Variants in MACROD2 observed in about 807,000 individuals in gnomAD.
The protein encoded by MACROD2 is ADP-ribose glycohydrolase MACROD2.
In MACROD2, 36 loss-of-function variants were observed where a neutral mutation model predicts 70.4. The ratio of observed to expected loss-of-function variants is 0.51; its 90% CI spans 0.39 to 0.68. The LOEUF is 0.68. Among genes scored for constraint, MACROD2 ranks in the 30% least tolerant of loss-of-function variants. The probability of loss-of-function intolerance (pLI) is 0.00; values close to 1 mark genes in which losing one functional copy is unlikely to be tolerated. For missense variants in MACROD2, 496 were observed against 538.4 expected (o/e 0.92, Z 0.78); for synonymous variants, 172 against 178.8 (o/e 0.96, Z 0.30).
intron 5 of MACROD2, among the ~76,000 whole-genome samples, chr20:15,107,478 C>T (rs1436844135): frequency 1.3e-5 from 2 of 151,598 alleles, no homozygotes; most frequent in South Asian, 2.1e-4. Flanking sequence ...TTTTCAAAAC[C>T]TTGTGATAAT....
intron 5 of MACROD2, among the ~76,000 whole-genome samples, chr20:15,153,029 CT>C (rs935015936): frequency 1.3e-5 from 2 of 152,024 alleles, no homozygotes; most frequent in African/African-American, 4.8e-5. Flanking sequence ...TAAGATGTTT[CT>C]TGGGCTGGTC....
chr20:14,197,288 A>G (rs1772801053), intron 3 of MACROD2, among the ~76,000 whole-genome samples: 1 of 152,220 alleles, frequency 6.6e-6, no homozygotes, highest in South Asian at 2.1e-4. Context: ...GATAATGAAA[A>G]AAGTTGACTT....
chr20:14,104,033 A>G (rs960953488), intron 3 of MACROD2, among the ~76,000 whole-genome samples: 2 of 152,144 alleles, frequency 1.3e-5, no homozygotes, highest in East Asian at 1.9e-4. Context: ...TTATATCTAC[A>G]TACACACACA....
intron 8 of MACROD2, among the ~76,000 whole-genome samples, chr20:15,502,718 C>A (rs561529629): frequency 6.6e-6 from 1 of 152,220 alleles, no homozygotes; most frequent in East Asian, 1.9e-4. Context: ...TTTGATGATG[C>A]AGCCAATAGG....
At chr20:14,908,072 G>A (rs759460527) in intron 5 of MACROD2, among the ~76,000 whole-genome samples, 3 of 152,158 alleles carry the variant, frequency 2.0e-5, no homozygotes, top group Non-Finnish European at 4.4e-5. Flanking sequence ...AGCCAGGCAC[G>A]GTGGCTCACG....
intron 8 of MACROD2, among the ~76,000 whole-genome samples, chr20:15,727,861 T>C (rs1465982900): frequency 6.6e-6 from 1 of 152,132 alleles, no homozygotes; most frequent in Non-Finnish European, 1.5e-5. Flanking sequence ...TAGAGTCATA[T>C]ATTTTGCAAA....
chr20:14,634,728 G>A (rs976894180), intron 4 of MACROD2, among the ~76,000 whole-genome samples: 4 of 152,138 alleles, frequency 2.6e-5, no homozygotes, highest in African/African-American at 9.7e-5. Flanking sequence ...GCTTTTTATT[G>A]TTAAGATATC....
intron 3 of MACROD2, among the ~76,000 whole-genome samples, chr20:14,252,075 T>C (rs1348000563): frequency 6.6e-6 from 1 of 152,066 alleles, no homozygotes; most frequent in Admixed American, 6.6e-5. Flanking sequence ...ATGGACACAC[T>C]GCCTTGGGGA....
At chr20:15,803,699 TG>T (rs1343744847) in intron 8 of MACROD2, among the ~76,000 whole-genome samples, 2 of 152,220 alleles carry the variant, frequency 1.3e-5, no homozygotes, top group Non-Finnish European at 2.9e-5. Context: ...CATTCTGTCA[TG>T]GTGAGCTCAG....
At chr20:14,096,213 A>G (rs912415801) in intron 3 of MACROD2, among the ~76,000 whole-genome samples, 5 of 152,214 alleles carry the variant, frequency 3.3e-5, no homozygotes, top group African/African-American at 1.2e-4. Context: ...GCAAATAGAT[A>G]CAGTTCATTG....
intron 8 of MACROD2, among the ~76,000 whole-genome samples, chr20:15,773,535 C>T (rs2051671668): frequency 6.6e-6 from 1 of 152,086 alleles, no homozygotes; most frequent in Non-Finnish European, 1.5e-5. Context: ...ATTAATTAAT[C>T]AGATCAATTC....
intron 3 of MACROD2, among the ~76,000 whole-genome samples, chr20:14,139,856 C>T (rs2054846269): frequency 6.6e-6 from 1 of 152,142 alleles, no homozygotes; most frequent in Non-Finnish European, 1.5e-5. Flanking sequence ...AATTTCACAT[C>T]TGACTTCATG....
chr20:15,640,276 G>T (rs1322326799), intron 8 of MACROD2, among the ~76,000 whole-genome samples: 2 of 151,936 alleles, frequency 1.3e-5, no homozygotes, highest in Non-Finnish European at 2.9e-5. Context: ...GACAGTGAGG[G>T]GGAAATAAAG....
intron 3 of MACROD2, among the ~76,000 whole-genome samples, chr20:14,378,128 T>C (rs1380885801): frequency 1.3e-5 from 2 of 152,198 alleles, no homozygotes; most frequent in Non-Finnish European, 2.9e-5. Context: ...CTCCAGAGTT[T>C]CCATAGTTTA....
chr20:15,126,660 T>C (rs2076069393), intron 5 of MACROD2, among the ~76,000 whole-genome samples: 1 of 152,066 alleles, frequency 6.6e-6, no homozygotes, highest in Non-Finnish European at 1.5e-5. Context: ...GTCTTCTGAT[T>C]ACAAGAGAAG....
intron 4 of MACROD2, among the ~76,000 whole-genome samples, chr20:14,649,285 G>A (rs1985554179): frequency 6.6e-6 from 1 of 152,128 alleles, no homozygotes; most frequent in African/African-American, 2.4e-5. Flanking sequence ...AGATTAATGA[G>A]GGTAGCACTA....
At chr20:15,498,206 C>A (rs1290426503) in intron 7 of MACROD2, among the ~76,000 whole-genome samples, 2 of 152,132 alleles carry the variant, frequency 1.3e-5, no homozygotes, top group African/African-American at 4.8e-5. Context: ...CCTGTAGAAA[C>A]CTAATCAGGA....
intron 5 of MACROD2, among the ~76,000 whole-genome samples, chr20:14,854,030 C>T (rs529014617): frequency 6.6e-6 from 1 of 152,148 alleles, no homozygotes; most frequent in South Asian, 2.1e-4. Flanking sequence ...GCAATTAGGT[C>T]AGCATTAGGG....
intron 4 of MACROD2, among the ~76,000 whole-genome samples, chr20:14,575,654 A>G (rs1980549533): frequency 6.6e-6 from 1 of 152,216 alleles, no homozygotes; most frequent in Non-Finnish European, 1.5e-5. Context: ...TCCTTCTAAT[A>G]AGAAAATAGT....
Sources: gnomAD v4.1 joint callset for allele counts (sites outside exome capture counted in the v4.1 genomes callset) on GRCh38, gnomAD v4.1.1 for gene constraint, MANE v1.5 for transcripts, NCBI Gene and HGNC (gene_info 2026-07-23, HGNC 2026-07-21) for gene names.